Variants in PRKACB observed in about 807,000 individuals in gnomAD.
PRKACB encodes the protein protein kinase cAMP-activated catalytic subunit beta.
PRKACB carries 16 observed loss-of-function variants against 51.4 expected under a neutral mutation model. That is an observed-to-expected ratio of 0.31 (90% confidence interval 0.21 to 0.47). PRKACB has a LOEUF of 0.47. Ranked by LOEUF, PRKACB falls within the 20% of genes least tolerant of loss-of-function variation. PRKACB has a pLI of 1.00. For synonymous variants in PRKACB, 147 were observed against 154.4 expected (o/e 0.95, Z 0.35); for missense variants, 309 against 464.5 (o/e 0.67, Z 3.08).
At chr1:84,155,015 T>C (rs1298615875) in intron 1 of PRKACB, among the ~76,000 whole-genome samples, 1 of 152,008 alleles carries the variant, frequency 6.6e-6, no homozygotes, top group Non-Finnish European at 1.5e-5. Flanking sequence ...AATATGATAC[T>C]GGAAGTCCTA....
At chr1:84,120,992 A>G (rs754048644) in intron 1 of PRKACB, among the ~76,000 whole-genome samples, 2 of 152,106 alleles carry the variant, frequency 1.3e-5, no homozygotes, top group East Asian at 1.9e-4. Flanking sequence ...TGAAGTAACA[A>G]TAATCACTAA....
chr1:84,102,301 C>G (rs990553045), intron 1 of PRKACB, among the ~76,000 whole-genome samples: 1 of 151,894 alleles, frequency 6.6e-6, no homozygotes, highest in African/African-American at 2.4e-5. Flanking sequence ...GTAGGAGAAT[C>G]GCTTGAATCT....
intron 5 of PRKACB, among the ~76,000 whole-genome samples, chr1:84,187,285 T>A (rs144982944): frequency 0.013 from 2,042 of 152,264 alleles, 55 homozygotes; most frequent in African/African-American, 0.045. Flanking sequence ...GTCAATGGCT[T>A]TAGCAGGTCT....
At chr1:84,164,477 C>T (rs1028625724) in intron 1 of PRKACB, 28 of 1,541,750 alleles carry the variant, frequency 1.8e-5, no homozygotes, top group South Asian at 1.7e-4. Context: ...ATGTAAAAAG[C>T]GTAGATTAGT....
At chr1:84,230,382 GTTC>G in intron 9 of PRKACB, among the ~76,000 whole-genome samples, 1 of 152,154 alleles carries the variant, frequency 6.6e-6, no homozygotes. Flanking sequence ...CTCCAGCTTT[GTTC>G]TTTTGGCTTA....
chr1:84,100,242 G>T (rs1385938289), intron 1 of PRKACB, among the ~76,000 whole-genome samples: 2 of 152,072 alleles, frequency 1.3e-5, no homozygotes, highest in East Asian at 3.9e-4. Context: ...ACTGTTATGA[G>T]AACAGCATGG....
At chr1:84,150,669 C>T (rs1257104566) in intron 1 of PRKACB, among the ~76,000 whole-genome samples, 1 of 152,162 alleles carries the variant, frequency 6.6e-6, no homozygotes, top group Non-Finnish European at 1.5e-5. Context: ...GACATGCCTG[C>T]TCCCTCTTTG....
intron 1 of PRKACB, among the ~76,000 whole-genome samples, chr1:84,095,247 G>GTTTT (rs5775776): frequency 1.7e-4 from 23 of 137,162 alleles, no homozygotes; most frequent in African/African-American, 3.5e-4. Flanking sequence ...CATATTTGCT[G>GTTTT]TTTTTTTTTT....
chr1:84,104,413 T>C (rs1297435106), intron 1 of PRKACB, among the ~76,000 whole-genome samples: 1 of 152,190 alleles, frequency 6.6e-6, no homozygotes, highest in Non-Finnish European at 1.5e-5. Flanking sequence ...ATTCCATATC[T>C]TGATTATTGT....
intron 9 of PRKACB, among the ~76,000 whole-genome samples, chr1:84,217,813 T>C (rs139424112): frequency 6.6e-6 from 1 of 152,182 alleles, no homozygotes; most frequent in East Asian, 1.9e-4. Context: ...AAAAAAACCC[T>C]ACTCCACAAT....
At chr1:84,120,959 A>G (rs1330672236) in intron 1 of PRKACB, among the ~76,000 whole-genome samples, 2 of 152,080 alleles carry the variant, frequency 1.3e-5, no homozygotes, top group Non-Finnish European at 2.9e-5. Flanking sequence ...AAGACTTTTC[A>G]AATCTTGATC....
intron 1 of PRKACB, among the ~76,000 whole-genome samples, chr1:84,131,660 T>A (rs184394449): frequency 9.2e-5 from 14 of 152,302 alleles, no homozygotes; most frequent in African/African-American, 3.4e-4. Flanking sequence ...ACCACTAGCC[T>A]GAAATCTGGA....
At chr1:84,118,849 G>A (rs1037185420) in intron 1 of PRKACB, among the ~76,000 whole-genome samples, 1 of 152,100 alleles carries the variant, frequency 6.6e-6, no homozygotes, top group African/African-American at 2.4e-5. Flanking sequence ...TTAGAGATGA[G>A]TTTATATACC....
At position 84,146,143 on chromosome 1, in the gene PRKACB, TTG is replaced by T. The variant is rs773728508; in HGVS notation, c.187+1597_187+1598del. ...GATTTCTATTGGATAAAATGCTGTT[TTG>T]TTTTTTTTTTATTGTGAAGTCAAAA... is the stretch of plus-strand genomic sequence containing the variant. On this transcript the variant is annotated intron_variant, in intron 1 of 9. Coordinates refer to ENST00000370685, the MANE Select transcript of PRKACB (RefSeq NM_182948.4). Among the ~76,000 whole-genome samples the T allele has an allele frequency of 4.9e-3, 687 of 141,092 alleles. 6 individuals are homozygous for T. The highest frequency in any genetic ancestry group is 0.019 in the South Asian group (83 of 4,440). The allele number at this position is 141,092 out of a possible 152,430, so 92.6% of individuals were successfully genotyped here.
chr1:84,124,347 A>G (rs925442758), intron 1 of PRKACB, among the ~76,000 whole-genome samples: 8 of 152,192 alleles, frequency 5.3e-5, no homozygotes, highest in Non-Finnish European at 8.8e-5. Context: ...ACTTCTATGC[A>G]TGATTTTTGA....
intron 1 of PRKACB, among the ~76,000 whole-genome samples, chr1:84,102,024 A>T (rs186727527): frequency 2.0e-5 from 3 of 152,184 alleles, no homozygotes; most frequent in Admixed American, 2.0e-4. Flanking sequence ...ATACTGTAAG[A>T]CCCTTTGCTA....
chr1:84,181,561 G>T lies in PRKACB; in HGVS notation c.250-639G>T, dbSNP rs563948943. On this transcript the variant is annotated intron_variant, in intron 2 of 9. Transcript: ENST00000370685. ...TATTGTTCTGGGATTCTGGCTTTTG[G>T]TTCTTTGTAGAATGAGGAACTCTTC... 2.9e-4 allele frequency: 201 copies of T among 698,058 alleles called. 2 individuals carry two copies. The African/African-American group carries it at 3.5e-3, about 12-fold the overall frequency. 43.2% of individuals were successfully genotyped at this position (698,058 alleles called of 1,614,324 possible). A position where few individuals can be genotyped will look rare whatever the true frequency, so the allele number is the denominator to read the frequency against.
chr1:84,231,607 T>C (rs910949257), intron 9 of PRKACB, among the ~76,000 whole-genome samples: 2 of 152,214 alleles, frequency 1.3e-5, no homozygotes, highest in Non-Finnish European at 1.5e-5. Context: ...GATCCTGTTA[T>C]TGGTCTATTC....
intron 2 of PRKACB, among the ~76,000 whole-genome samples, chr1:84,180,086 A>G (rs1367735443): frequency 2.0e-5 from 3 of 147,282 alleles, no homozygotes; most frequent in Non-Finnish European, 3.0e-5. Context: ...TGAAAAAGAT[A>G]CTTGCACACG....
Sources: allele counts gnomAD v4.1 joint callset (sites outside exome capture counted in the v4.1 genomes callset), GRCh38; gene constraint gnomAD v4.1.1; transcripts MANE v1.5; gene names NCBI Gene and HGNC (gene_info 2026-07-23, HGNC 2026-07-21).